Variants in CABS1 observed in about 807,000 individuals in gnomAD.
CABS1 encodes the protein calcium-binding and spermatid-specific protein 1.
For synonymous variants in CABS1, 195 were observed against 169.0 expected (o/e 1.15, Z -1.19); for missense variants, 500 against 464.3 (o/e 1.08, Z -0.71).
Position 70,335,642 on chromosome 4 carries a change from T to C in CABS1, c.603T>C (p.Ala201=). The change falls in exon 1 of 2, where the codon GCT becomes GCC. Residue 201 remains alanine (A), a synonymous_variant. Transcript: ENST00000273936. ...CCTCCATCAAATCCAATGTCCCTGCTGATGAGGCTGTCCAGGTCACTGATT... is the reference window on the plus strand; with the variant it reads ...CCTCCATCAAATCCAATGTCCCTGCCGATGAGGCTGTCCAGGTCACTGATT... ...YNSSIKSNVP[A]DEAVQVTDST... is the part of the protein sequence containing the mutation. 1.2e-6 allele frequency: 2 copies of C among 1,613,618 alleles called. No individual in the cohort carries two copies. Among genetic ancestry groups the C allele is most frequent in the Non-Finnish European group, 1.7e-6 (2 of 1,179,770 alleles).
Position 70,335,743 on chromosome 4 carries a change from A to G in CABS1, c.704A>G (p.Glu235Gly). 2 of 1,613,622 alleles carry G rather than the reference A, an allele frequency of 1.2e-6. No individual in the cohort carries two copies. Among genetic ancestry groups the G allele is most frequent in the Non-Finnish European group, 1.7e-6 (2 of 1,179,740 alleles). Residue 235 changes from glutamate (E) to glycine (G), a missense_variant, in exon 1 of 2, where the codon GAA (glutamate) becomes GGA (glycine). Coordinates refer to ENST00000273936, the MANE Select transcript of CABS1 (RefSeq NM_033122.4). ...FTTIPDITAL[E>G]EEKITEIDLS... ...ACTATTCCAGACATAACTGCCCTTG[A>G]AGAAGAGAAAATAACCGAAATTGAC...
chr4:70,334,981 A>C lies in CABS1; in HGVS notation c.-59A>C. 1,951 of 1,439,398 alleles carry C rather than the reference A, an allele frequency of 1.4e-3. No homozygotes were observed. Among genetic ancestry groups the C allele is most frequent in the Non-Finnish European group, 1.7e-3 (1,789 of 1,055,268 alleles). The allele number at this position is 1,439,398 out of a possible 1,614,324, so 89.2% of individuals were successfully genotyped here. A position where few individuals can be genotyped will look rare whatever the true frequency, so the allele number is the denominator to read the frequency against. ...TCTGATGAACACTGCTCTCCTGCCT[A>C]GAGATACCACTGAGTCCAGAAGCAA... On this transcript the variant is annotated 5_prime_UTR_variant, in exon 1 of 2. Transcript: ENST00000273936.
chr4:70,336,891 T>C (rs1318608588), intron 1 of CABS1, 75 bp from the exon 2 acceptor site: 2 of 152,406 alleles, frequency 1.3e-5, no homozygotes, highest in African/African-American at 2.4e-5. Flanking sequence ...AGAAAAATGT[T>C]CTGTAAACAT....
Position 70,335,725 on chromosome 4 carries a change from C to CT in CABS1, c.686_687insT (p.Asp230ArgfsTer6), listed in dbSNP as rs769671250. 4.0e-5 allele frequency: 64 copies of CT among 1,613,640 alleles called. 1 individual carries two copies. The East Asian group carries it at 1.3e-3, about 32-fold the overall frequency. On this transcript the variant is annotated frameshift_variant, in exon 1 of 2. Transcript: ENST00000273936. LOFTEE classifies it low-confidence loss of function (END_TRUNC). Reference sequence around the variant, plus strand: ...CCTGAAGAAAGCTTCACTACTATTCCAGACATAACTGCCCTTGAAGAAGAG... The same window carrying CT: ...CCTGAAGAAAGCTTCACTACTATTCCTAGACATAACTGCCCTTGAAGAAGAG...
Position 70,336,002 on chromosome 4 carries a change from T to G in CABS1, c.963T>G (p.Tyr321Ter). The change falls in exon 1 of 2, where the codon TAT (tyrosine) becomes TAG (stop). Residue 321 changes from tyrosine (Y) to a stop codon, truncating the protein, a stop_gained. Transcript: ENST00000273936. LOFTEE classifies it low-confidence loss of function (END_TRUNC). ...TGCTTACTGCTGTTGAATCCAGATA[T>G]GACTTCGTTGTCCCTGCATCAATAG... ...SVLLTAVESR[Y>*]DFVVPASIAT... is the part of the protein sequence containing the mutation. 6.2e-7 allele frequency: 1 copy of G among 1,613,544 alleles called. No individual in the cohort carries two copies. Among genetic ancestry groups the G allele is most frequent in the South Asian group, 1.1e-5 (1 of 91,070 alleles).
chr4:70,336,697 C>T lies in CABS1; in HGVS notation c.*120-269C>T, dbSNP rs1313234260. 2.0e-5 allele frequency among the ~76,000 whole-genome samples: 3 copies of T among 152,032 alleles called. No individual in the cohort carries two copies. The East Asian group carries it at 5.8e-4, about 29-fold the overall frequency. On this transcript the variant is annotated intron_variant, in intron 1 of 1. Transcript: ENST00000273936. ...AAATGCTTGTTCTAAGCAATTTTTT[C>T]ATTAGTATTTCATCAGTGATTCTCT...
In CABS1 at chr4:70,335,116, T is replaced by G; in HGVS notation, c.77T>G (p.Ile26Ser). ...AGTAAAACACCAACTGCAGCAACCA[T>G]TTTCTTTGGGGCTGACAATGCTATT... ...ESSKTPTAATIFFGADNAIPK... is the reference protein window; with the variant it reads ...ESSKTPTAATSFFGADNAIPK... The change falls in exon 1 of 2, where the codon ATT becomes AGT. Residue 26 changes from isoleucine (I) to serine (S), a missense_variant. Transcript: ENST00000273936. 1 of 1,613,744 alleles carries G rather than the reference T, an allele frequency of 6.2e-7. No individual in the cohort carries two copies. The highest frequency in any genetic ancestry group is 1.1e-5 in the South Asian group (1 of 91,060).
In CABS1 at chr4:70,335,716, C is replaced by G; in HGVS notation, c.677C>G (p.Thr226Ser). 1 of 1,613,604 alleles carries G rather than the reference C, an allele frequency of 6.2e-7. No homozygotes were observed. The highest frequency in any genetic ancestry group is 1.3e-5 in the African/African-American group (1 of 75,000). ...EIPPAPEESF[T>S]TIPDITALEE... ...CCTCCTGCTCCTGAAGAAAGCTTCA[C>G]TACTATTCCAGACATAACTGCCCTT... is the stretch of plus-strand genomic sequence containing the variant. The change falls in exon 1 of 2, where the codon ACT becomes AGT. Residue 226 changes from threonine to serine, a missense_variant. Thr to Ser is a moderately conservative substitution (Grantham distance 58). Transcript: ENST00000273936.
Position 70,335,776 on chromosome 4 carries a change from T to G in CABS1, c.737T>G (p.Val246Gly), listed in dbSNP as rs777430001. The change falls in exon 1 of 2, where the codon GTT becomes GGT. Residue 246 changes from valine (V) to glycine (G), a missense_variant. By Grantham distance (109) the Val-to-Gly change is moderately radical. Transcript: ENST00000273936. The stretch of plus-strand genomic sequence containing the variant: ...AAAATAACCGAAATTGACCTAAGTG[T>G]TTTAGAAGATGACACCAGTGCTGTG... ...EEKITEIDLSVLEDDTSAVAT... is the reference protein window; with the variant it reads ...EEKITEIDLSGLEDDTSAVAT... The G allele has an allele frequency of 5.0e-6, 8 of 1,613,394 alleles. No individual in the cohort carries two copies. The South Asian group carries it at 8.8e-5, about 18-fold the overall frequency.
At position 70,336,021 on chromosome 4, in the gene CABS1, T is replaced by C. The variant is rs1731720493; in HGVS notation, c.982T>C (p.Ser328Pro). ...ESRYDFVVPA[S>P]IATNLVEESS... is the part of the protein sequence containing the mutation. ...CAGATATGACTTCGTTGTCCCTGCATCAATAGCTACAAACCTAGTGGAAGA... is the reference window on the plus strand; with the variant it reads ...CAGATATGACTTCGTTGTCCCTGCACCAATAGCTACAAACCTAGTGGAAGA... The change falls in exon 1 of 2, where the codon TCA becomes CCA. Residue 328 changes from serine (S) to proline (P), a missense_variant. Coordinates refer to ENST00000273936, the MANE Select transcript of CABS1 (RefSeq NM_033122.4). The C allele has an allele frequency of 6.2e-7, 1 of 1,613,518 alleles. No individual in the cohort carries two copies. The highest frequency in any genetic ancestry group is 8.5e-7 in the Non-Finnish European group (1 of 1,179,666).
chr4:70,336,650 C>T lies in CABS1; in HGVS notation c.*119+304C>T, dbSNP rs1731735590. ...CAAATTAACCTCTCCAAAACATTAC[C>T]ATAGCCTAAAAAGTTCTCCCAAAAT... On this transcript the variant is annotated intron_variant, in intron 1 of 1. Coordinates refer to ENST00000273936, the MANE Select transcript of CABS1 (RefSeq NM_033122.4). Among the ~76,000 whole-genome samples, 6 of 143,612 alleles carry T rather than the reference C, an allele frequency of 4.2e-5. No individual in the cohort carries two copies. The South Asian group carries it at 1.3e-3, about 31-fold the overall frequency. 94.2% of individuals were successfully genotyped at this position (143,612 alleles called of 152,430 possible).
chr4:70,335,470 T>A lies in CABS1; in HGVS notation c.431T>A (p.Ile144Asn), dbSNP rs371860454. 7 of 1,613,540 alleles carry A rather than the reference T, an allele frequency of 4.3e-6. No individual in the cohort carries two copies. The Middle Eastern group carries it at 4.9e-4, about 114-fold the overall frequency. Residue 144 changes from isoleucine to asparagine, a missense_variant, in exon 1 of 2, where the codon ATC (isoleucine) becomes AAC (asparagine). Coordinates refer to ENST00000273936, the MANE Select transcript of CABS1 (RefSeq NM_033122.4). Reference sequence around the variant, plus strand: ...TCCACTGACATAGCAAAAGAAGATATCCTCTTAGCTACCATTGACACAGGA... The same window carrying A: ...TCCACTGACATAGCAAAAGAAGATAACCTCTTAGCTACCATTGACACAGGA... ...DFSTDIAKEDILLATIDTGDA... is the reference protein window; with the variant it reads ...DFSTDIAKEDNLLATIDTGDA...
rs1422317760 is a variant in CABS1 at position 70,335,435 on chromosome 4, A to G, written c.396A>G (p.Leu132=). The G allele has an allele frequency of 6.2e-7, 1 of 1,613,706 alleles. No individual in the cohort carries two copies. The highest frequency in any genetic ancestry group is 8.5e-7 in the Non-Finnish European group (1 of 1,179,808). Residue 132 remains leucine (L), a synonymous_variant, in exon 1 of 2, where the codon TTA becomes TTG. Transcript: ENST00000273936. The part of the protein sequence containing the change: ...NISSPVTTVS[L]IDFSTDIAKE... ...CATCACCAGTTACTACTGTTTCTTT[A>G]ATAGATTTTTCCACTGACATAGCAA...
At position 70,335,741 on chromosome 4, in the gene CABS1, TGAA is replaced by T; in HGVS notation, c.708_710del (p.Glu237del). ...CTACTATTCCAGACATAACTGCCCT[TGAA>T]GAAGAGAAAATAACCGAAATTGACC... On this transcript the variant is annotated inframe_deletion, in exon 1 of 2. Transcript: ENST00000273936. 1 of 1,613,544 alleles carries T rather than the reference TGAA, an allele frequency of 6.2e-7. No individual in the cohort carries two copies.
chr4:70,336,245 C>A lies in CABS1; in HGVS notation c.*18C>A. 1 of 1,593,260 alleles carries A rather than the reference C, an allele frequency of 6.3e-7. No homozygotes were observed. The highest frequency in any genetic ancestry group is 8.5e-7 in the Non-Finnish European group (1 of 1,171,472). ...TGATTTAAAAGCAACAAAAGGGATA[C>A]CATGTAGAATTGTGCAATAGTCTAG... On this transcript the variant is annotated 3_prime_UTR_variant, in exon 1 of 2. Transcript: ENST00000273936.
At position 70,336,263 on chromosome 4, in the gene CABS1, T is replaced by C. The variant is rs772877782; in HGVS notation, c.*36T>C. On this transcript the variant is annotated 3_prime_UTR_variant, in exon 1 of 2. Coordinates refer to ENST00000273936, the MANE Select transcript of CABS1 (RefSeq NM_033122.4). ...AGGGATACCATGTAGAATTGTGCAATAGTCTAGCCAGCTAGCCTTAACATC... is the reference window on the plus strand; with the variant it reads ...AGGGATACCATGTAGAATTGTGCAACAGTCTAGCCAGCTAGCCTTAACATC... 2 of 1,546,388 alleles carry C rather than the reference T, an allele frequency of 1.3e-6. No individual in the cohort carries two copies. Among genetic ancestry groups the C allele is most frequent in the Admixed American group, 2.1e-5 (1 of 47,338 alleles).
chr4:70,336,325 T>TGAAA lies in CABS1; in HGVS notation c.*102_*105dup. 1 of 1,442,958 alleles carries TGAAA rather than the reference T, an allele frequency of 6.9e-7. No individual in the cohort carries two copies. The allele number at this position is 1,442,958 out of a possible 1,614,324, so 89.4% of individuals were successfully genotyped here. A position where few individuals can be genotyped will look rare whatever the true frequency, so the allele number is the denominator to read the frequency against. On this transcript the variant is annotated 3_prime_UTR_variant, in exon 1 of 2. Transcript: ENST00000273936. ...TCCAACAAGCAAAAACCTTTAGAAA[T>TGAAA]GAAAGAATGTGGGCATTTAAGGCAA...
At chr4:70,336,578 A>G (rs1006326401) in intron 1 of CABS1, among the ~76,000 whole-genome samples, 3 of 151,978 alleles carry the variant, frequency 2.0e-5, no homozygotes, top group Non-Finnish European at 4.4e-5. Flanking sequence ...TCATTTAGTT[A>G]ACAGTCAATA....
rs769848096 is a variant in CABS1, at chr4:70,336,113, A to T, written c.1074A>T (p.Pro358=). The change falls in exon 1 of 2, where the codon CCA becomes CCT. Residue 358 remains proline (P), a synonymous_variant. Transcript: ENST00000273936. ...NTETVPKITE[P]FSGTTSVLDT... is the part of the protein sequence containing the mutation. The stretch of plus-strand genomic sequence containing the variant: ...AGACTGTACCTAAGATCACTGAGCC[A>T]TTTTCTGGAACTACCTCTGTATTAG... The T allele has an allele frequency of 6.2e-7, 1 of 1,613,230 alleles. No homozygotes were observed. Among genetic ancestry groups the T allele is most frequent in the Non-Finnish European group, 8.5e-7 (1 of 1,179,504 alleles).
Sources: allele counts gnomAD v4.1 joint callset (sites outside exome capture counted in the v4.1 genomes callset), GRCh38; gene constraint gnomAD v4.1.1; transcripts MANE v1.5; gene names NCBI Gene and HGNC (gene_info 2026-07-23, HGNC 2026-07-21).